The following TAF12 variants were observed in gnomAD, a reference collection of about 807,000 sequenced individuals.
The protein encoded by TAF12 is transcription initiation factor TFIID subunit 12.
In TAF12, 3 loss-of-function variants were observed where a neutral mutation model predicts 20.8. The ratio of observed to expected loss-of-function variants is 0.14; its 90% CI spans 0.07 to 0.37. The LOEUF (loss-of-function observed/expected upper bound fraction) is 0.37, where lower values mean the gene tolerates loss of function less well. TAF12 is among the 10% of genes least tolerant of loss of function. The pLI is 1.00. For synonymous variants in TAF12, 69 were observed against 70.2 expected (o/e 0.98, Z 0.09); for missense variants, 131 against 197.9 (o/e 0.66, Z 2.03).
chr1:28,638,221 C>T lies in TAF12; in HGVS notation c.-85+4771G>A, dbSNP rs545757595. ...TTTTATTTTTTGAGACAGAGTCTCA[C>T]TCTTGTCACCCAGGCTGGAGTGCAA... On this transcript the variant is annotated intron_variant, in intron 1 of 5. Coordinates refer to ENST00000373824, the MANE Select transcript of TAF12 (RefSeq NM_005644.4). Among the ~76,000 whole-genome samples the T allele has an allele frequency of 7.3e-5, 11 of 150,976 alleles. No homozygotes were observed. In the South Asian group the frequency reaches 2.1e-3, roughly 29 times the overall value.
chr1:28,646,288 CAGAG>C (rs962805310), upstream of TAF12: 8 of 151,978 alleles, frequency 5.3e-5, no homozygotes, highest in East Asian at 1.9e-4. Context: ...GGAAAAAAGA[CAGAG>C]AGAGAGATAA....
chr1:28,608,175 CAAA>C (rs58747974), intron 4 of TAF12, among the ~76,000 whole-genome samples: 3 of 63,738 alleles, frequency 4.7e-5, no homozygotes, highest in Admixed American at 4.0e-4. Flanking sequence ...ACTAAAAATA[CAAA>C]AAAAAAAAAA....
chr1:28,646,847 C>G (rs1165657310), upstream of TAF12, among the ~76,000 whole-genome samples: 1 of 151,810 alleles, frequency 6.6e-6, no homozygotes, highest in Non-Finnish European at 1.5e-5. Context: ...TACAGGCACC[C>G]GCCACCACAC....
At chr1:28,634,738 C>A (rs1248037794) in intron 1 of TAF12, among the ~76,000 whole-genome samples, 1 of 151,058 alleles carries the variant, frequency 6.6e-6, no homozygotes, top group South Asian at 2.1e-4. Flanking sequence ...GAGACCAGCC[C>A]GACCAACATG....
intron 1 of TAF12, chr1:28,624,037 A>G: frequency 4.1e-6 from 4 of 985,580 alleles, no homozygotes; most frequent in Non-Finnish European, 4.8e-6. Flanking sequence ...CTACCTGTAA[A>G]TGAACAACTG....
intron 3 of TAF12, among the ~76,000 whole-genome samples, chr1:28,615,575 A>G (rs1037352339): frequency 1.4e-5 from 2 of 146,404 alleles, no homozygotes; most frequent in African/African-American, 5.0e-5. Context: ...GCTTCTCAGG[A>G]GGCTGATGCA....
At chr1:28,632,243 G>C (rs1667655564) in intron 1 of TAF12, among the ~76,000 whole-genome samples, 1 of 152,146 alleles carries the variant, frequency 6.6e-6, no homozygotes, top group Admixed American at 6.6e-5. Flanking sequence ...TTTGAGACCA[G>C]CCTGGCCAAC....
chr1:28,643,159 G>C (rs1668098409), upstream of TAF12: 3 of 966,976 alleles, frequency 3.1e-6, no homozygotes, highest in South Asian at 4.8e-5. Flanking sequence ...CGCCTCGCTT[G>C]CGCAGGCGCA....
At chr1:28,634,433 A>C (rs1296961740) in intron 1 of TAF12, among the ~76,000 whole-genome samples, 2 of 151,560 alleles carry the variant, frequency 1.3e-5, no homozygotes, top group Non-Finnish European at 2.9e-5. Context: ...AAAAAAAAAA[A>C]AAACCCCACA....
chr1:28,635,023 G>C (rs1468629683), intron 1 of TAF12, among the ~76,000 whole-genome samples: 1 of 150,998 alleles, frequency 6.6e-6, no homozygotes, highest in African/African-American at 2.4e-5. Flanking sequence ...TCAGGATCGA[G>C]ACCATCCTGG....
chr1:28,618,025 C>A lies in TAF12; in HGVS notation c.174G>T (p.Leu58Phe). Residue 58 changes from leucine (L) to phenylalanine (F), a missense_variant, in exon 3 of 6, where the codon TTG becomes TTT. Coordinates refer to ENST00000373824, the MANE Select transcript of TAF12 (RefSeq NM_005644.4). ...GRLSPENNQV[L>F]TKKKLQDLVR... Reference sequence around the variant, plus strand: ...CTAAGTCCTGTAATTTCTTCTTGGTCAATACCTAAAGTTAATTGGAAGAAG... The same window carrying A: ...CTAAGTCCTGTAATTTCTTCTTGGTAAATACCTAAAGTTAATTGGAAGAAG... The A allele has an allele frequency of 6.2e-7, 1 of 1,613,314 alleles. No individual in the cohort carries two copies. The highest frequency in any genetic ancestry group is 1.1e-5 in the South Asian group (1 of 90,900).
intron 5 of TAF12, among the ~76,000 whole-genome samples, chr1:28,604,269 G>A (rs1666594776): frequency 6.6e-6 from 1 of 152,044 alleles, no homozygotes; most frequent in South Asian, 2.1e-4. Flanking sequence ...CAATAGGGAA[G>A]GGGCCTCAAT....
At chr1:28,615,063 C>G in intron 3 of TAF12, among the ~76,000 whole-genome samples, 1 of 151,088 alleles carries the variant, frequency 6.6e-6, no homozygotes, top group East Asian at 2.0e-4. Context: ...GAGCTGTGAT[C>G]ATGGCACGGC....
intron 1 of TAF12, among the ~76,000 whole-genome samples, chr1:28,625,753 G>A (rs1477731244): frequency 6.6e-6 from 1 of 151,904 alleles, no homozygotes; most frequent in South Asian, 2.1e-4. Context: ...GTGTTAGCCA[G>A]GATGGTCTCG....
chr1:28,646,282 A>T (rs1367902048), upstream of TAF12: 2 of 152,160 alleles, frequency 1.3e-5, no homozygotes, highest in Non-Finnish European at 2.9e-5. Context: ...GTCTCAGGAA[A>T]AAAGACAGAG....
At chr1:28,634,468 A>G (rs1385941855) in intron 1 of TAF12, among the ~76,000 whole-genome samples, 2 of 151,806 alleles carry the variant, frequency 1.3e-5, no homozygotes, top group African/African-American at 2.4e-5. Context: ...ACTGTGGGAC[A>G]GTTTGAGAGA....
At chr1:28,619,367 G>A (rs1270278894) in intron 2 of TAF12, among the ~76,000 whole-genome samples, 10 of 149,982 alleles carry the variant, frequency 6.7e-5, no homozygotes, top group Non-Finnish European at 8.9e-5. Flanking sequence ...GCGTGGTGGC[G>A]GGCGCCTGTA....
chr1:28,609,004 T>C (rs1376004329), intron 4 of TAF12, among the ~76,000 whole-genome samples: 1 of 152,106 alleles, frequency 6.6e-6, no homozygotes, highest in East Asian at 1.9e-4. Context: ...CATACATGTA[T>C]GTGTGTCTAT....
At position 28,608,001 on chromosome 1, in the gene TAF12, A is replaced by G. The variant is rs559633140; in HGVS notation, c.362-2541T>C. Among the ~76,000 whole-genome samples, 13 of 151,918 alleles carry G rather than the reference A, an allele frequency of 8.6e-5. No homozygotes were observed. In the South Asian group the frequency reaches 2.3e-3, roughly 27 times the overall value. On this transcript the variant is annotated intron_variant, in intron 4 of 5. Coordinates refer to ENST00000373824, the MANE Select transcript of TAF12 (RefSeq NM_005644.4). ...AAAATACAAAAATTAGCCAAGAGTG[A>G]TGGTGAGTGCCTATAATCCCAGCTA... is the stretch of plus-strand genomic sequence containing the variant.
Sources: allele counts gnomAD v4.1 joint callset (sites outside exome capture counted in the v4.1 genomes callset), GRCh38; gene constraint gnomAD v4.1.1; transcripts MANE v1.5; gene names NCBI Gene and HGNC (gene_info 2026-07-23, HGNC 2026-07-21).